Variants in RTN3 observed in about 807,000 individuals in gnomAD.
The protein encoded by RTN3 is reticulon 3, also known as reticulon-3.
In RTN3, 49 loss-of-function variants were observed where a neutral mutation model predicts 77.8. The observed-to-expected ratio is 0.63, with a 90% CI of 0.50 to 0.80. RTN3 has a LOEUF of 0.80. Ranked by LOEUF, RTN3 falls within the 30% of genes least tolerant of loss-of-function variation. The probability of loss-of-function intolerance (pLI) is 0.00; values close to 1 mark genes in which losing one functional copy is unlikely to be tolerated. For synonymous variants in RTN3, 464 were observed against 446.9 expected (o/e 1.04, Z -0.48); for missense variants, 1,236 against 1,211.9 (o/e 1.02, Z -0.29).
At chr11:63,757,051 A>AT (rs2014412672) in intron 8 of RTN3, among the ~76,000 whole-genome samples, 1 of 152,192 alleles carries the variant, frequency 6.6e-6, no homozygotes, top group African/African-American at 2.4e-5. Context: ...TCAAAAAAAA[A>AT]CCAAAAAGTT....
intron 3 of RTN3, among the ~76,000 whole-genome samples, chr11:63,735,596 C>T (rs377288686): frequency 8.8e-5 from 13 of 148,266 alleles, no homozygotes; most frequent in African/African-American, 3.3e-4. Flanking sequence ...CTCTCTCTCT[C>T]TCTCTTTCTT....
At chr11:63,689,950 G>T (rs947781744) in intron 1 of RTN3, among the ~76,000 whole-genome samples, 3 of 151,906 alleles carry the variant, frequency 2.0e-5, no homozygotes. Flanking sequence ...TAGAGATGGG[G>T]TTTCACCATG....
rs765679106 is a variant in RTN3 at position 63,753,057 on chromosome 11, T to C, written c.2878-12T>C. ...GGTTATTCCTGCTTAACTTTTGATA[T>C]GGCCTTCACAGCTGGCTGTCTTCAT... On this transcript the variant is annotated splice_polypyrimidine_tract_variant and intron_variant, in intron 5 of 8. Transcript: ENST00000377819. 1.2e-6 allele frequency: 2 copies of C among 1,613,346 alleles called. No individual in the cohort carries two copies. Among genetic ancestry groups the C allele is most frequent in the Non-Finnish European group, 1.7e-6 (2 of 1,179,574 alleles).
In RTN3 at chr11:63,681,793, G is replaced by A; in HGVS notation, c.142+15G>A. 1.3e-6 allele frequency: 2 copies of A among 1,550,482 alleles called. No individual in the cohort carries two copies. The highest frequency in any genetic ancestry group is 1.7e-6 in the Non-Finnish European group (2 of 1,153,804). On this transcript the variant is annotated intron_variant, in intron 1 of 8. Transcript: ENST00000377819. ...CTCCTGTGCGGGTAAGGCGCGCGGG[G>A]AGCCCCCGCCCTGGGAAAGAGGGCG... is the stretch of plus-strand genomic sequence containing the variant.
intron 2 of RTN3, among the ~76,000 whole-genome samples, chr11:63,711,806 C>G (rs1297600136): frequency 6.6e-6 from 1 of 152,164 alleles, no homozygotes; most frequent in Non-Finnish European, 1.5e-5. Flanking sequence ...TCAGGTGATC[C>G]ACCTGCCTCA....
chr11:63,751,977 G>C (rs909991139), intron 4 of RTN3, among the ~76,000 whole-genome samples: 2 of 152,042 alleles, frequency 1.3e-5, no homozygotes, highest in African/African-American at 4.8e-5. Context: ...GGGCAACTGA[G>C]CAAAACACCA....
intron 7 of RTN3, 79 bp from the exon 8 acceptor site, chr11:63,756,033 C>G: frequency 1.0e-6 from 1 of 966,632 alleles, no homozygotes; most frequent in Admixed American, 1.8e-5. Context: ...AATGGTTAAA[C>G]TAGACAAAAG....
chr11:63,723,159 G>GAAGT (rs1195251375), intron 3 of RTN3, among the ~76,000 whole-genome samples: 1 of 152,142 alleles, frequency 6.6e-6, no homozygotes, highest in African/African-American at 2.4e-5. Context: ...AAGGGCTATG[G>GAAGT]AAGTTCAGGA....
intron 2 of RTN3, among the ~76,000 whole-genome samples, chr11:63,707,271 A>G (rs564344334): frequency 3.5e-4 from 54 of 152,174 alleles, no homozygotes; most frequent in South Asian, 1.7e-3. Flanking sequence ...CATGGCTTAC[A>G]TACCTAATGT....
chr11:63,747,666 G>A (rs2013875650), intron 3 of RTN3, among the ~76,000 whole-genome samples: 1 of 152,212 alleles, frequency 6.6e-6, no homozygotes, highest in Non-Finnish European at 1.5e-5. Flanking sequence ...GAGCTGTATA[G>A]CTGAATGTGG....
chr11:63,684,547 C>T (rs929462980), intron 1 of RTN3, among the ~76,000 whole-genome samples: 1 of 151,946 alleles, frequency 6.6e-6, no homozygotes, highest in African/African-American at 2.4e-5. Context: ...CCCTCCTCGG[C>T]CTCCCAAAGT....
intron 1 of RTN3, among the ~76,000 whole-genome samples, chr11:63,702,843 G>A (rs1419675311): frequency 2.6e-5 from 4 of 151,612 alleles, no homozygotes; most frequent in African/African-American, 7.3e-5. Flanking sequence ...CCGCCACCAC[G>A]CCCAGCTAAT....
At chr11:63,745,815 C>T (rs2013761038) in intron 3 of RTN3, among the ~76,000 whole-genome samples, 2 of 152,086 alleles carry the variant, frequency 1.3e-5, no homozygotes, top group Admixed American at 6.6e-5. Context: ...CTAGTTTGCA[C>T]AAAGGTCTTT....
rs1022674122 is a variant in RTN3, at chr11:63,752,399, A to G, written c.2739-108A>G. On this transcript the variant is annotated intron_variant, in intron 4 of 8. Transcript: ENST00000377819. ...GATGACAACAAAAAAATGCTCCTAC[A>G]GGTTCTAACATGCACCCTGGGAACC... 30 of 1,018,170 alleles carry G rather than the reference A, an allele frequency of 2.9e-5. No homozygotes were observed. In the Middle Eastern group the frequency reaches 9.8e-4, roughly 33 times the overall value. 63.1% of individuals were successfully genotyped at this position (1,018,170 alleles called of 1,614,324 possible). A position where few individuals can be genotyped will look rare whatever the true frequency, so the allele number is the denominator to read the frequency against.
chr11:63,699,554 C>T (rs1297770442), intron 1 of RTN3, among the ~76,000 whole-genome samples: 2 of 152,172 alleles, frequency 1.3e-5, no homozygotes, highest in African/African-American at 4.8e-5. Context: ...CTTTCTAAAA[C>T]ACGTGATATT....
Position 63,700,282 on chromosome 11 carries a change from C to CTTTTTTT in RTN3, c.143-4564_143-4558dup, listed in dbSNP as rs753369954. On this transcript the variant is annotated intron_variant, in intron 1 of 8. Transcript: ENST00000377819. Reference sequence around the variant, plus strand: ...GAGATAGGAAAACATGATTCTTTTACTTTTTTTTTTTAAGGTAAGGTCTCA... The same window carrying CTTTTTTT: ...GAGATAGGAAAACATGATTCTTTTACTTTTTTTTTTTTTTTTTTAAGGTAAGGTCTCA... 8.2e-5 allele frequency among the ~76,000 whole-genome samples: 11 copies of CTTTTTTT among 133,430 alleles called. 2 individuals are homozygous for CTTTTTTT. The highest frequency in any genetic ancestry group is 6.1e-5 in the Non-Finnish European group (4 of 65,224). The allele number at this position is 133,430 out of a possible 152,430, so 87.5% of individuals were successfully genotyped here. A position where few individuals can be genotyped will look rare whatever the true frequency, so the allele number is the denominator to read the frequency against.
In RTN3 at chr11:63,749,351, T is replaced by C. The variant is rs1006522394; in HGVS notation, c.2531-640T>C. Among the ~76,000 whole-genome samples the C allele has an allele frequency of 2.6e-5, 4 of 152,274 alleles. No homozygotes were observed. The South Asian group carries it at 8.3e-4, about 32-fold the overall frequency. On this transcript the variant is annotated intron_variant, in intron 3 of 8. Coordinates refer to ENST00000377819, the MANE Select transcript of RTN3 (RefSeq NM_001265589.2). Reference sequence around the variant, plus strand: ...CTATACATAATCCTTCCTGAATTCTTTTCAGATTAACATTGAGACTGGTGT... The same window carrying C: ...CTATACATAATCCTTCCTGAATTCTCTTCAGATTAACATTGAGACTGGTGT...
intron 7 of RTN3, among the ~76,000 whole-genome samples, chr11:63,754,925 C>CAAAAA (rs373589429): frequency 4.4e-4 from 42 of 96,550 alleles, no homozygotes; most frequent in Middle Eastern, 6.4e-3. Context: ...GACTCTGTCT[C>CAAAAA]AAAAAAAAAA....
At chr11:63,702,692 G>T (rs1481897291) in intron 1 of RTN3, among the ~76,000 whole-genome samples, 18 of 135,714 alleles carry the variant, frequency 1.3e-4, no homozygotes, top group Non-Finnish European at 2.4e-4. Context: ...TTGTTTTTTT[G>T]TTTTTTTTTT....
Sources: allele counts gnomAD v4.1 joint callset (sites outside exome capture counted in the v4.1 genomes callset), GRCh38; gene constraint gnomAD v4.1.1; transcripts MANE v1.5; gene names NCBI Gene and HGNC (gene_info 2026-07-23, HGNC 2026-07-21).